Variants in TEAD4 observed in about 807,000 individuals in gnomAD.
The protein encoded by TEAD4 is TEA domain transcription factor 4, also known as transcriptional enhancer factor TEF-3.
TEAD4 carries 36 observed loss-of-function variants against 52.4 expected under a neutral mutation model. That is an observed-to-expected ratio of 0.69 (90% CI 0.53 to 0.91). The LOEUF (loss-of-function observed/expected upper bound fraction) is 0.91. TEAD4 is among the 40% of genes least tolerant of loss of function. TEAD4 has a pLI of 0.00. For synonymous variants in TEAD4, 220 were observed against 231.0 expected, an observed-to-expected ratio of 0.95 and a Z score of 0.43; for missense variants, 508 against 583.9, an observed-to-expected ratio of 0.87 and a Z score of 1.34.
intron 2 of TEAD4, among the ~76,000 whole-genome samples, chr12:2,983,999 A>G (rs974066613): frequency 6.6e-6 from 1 of 152,196 alleles, no homozygotes; most frequent in Non-Finnish European, 1.5e-5. Flanking sequence ...ATATGGCTGG[A>G]CCTTAAGGCT....
chr12:2,996,310 G>C (rs2098247094), intron 3 of TEAD4, among the ~76,000 whole-genome samples: 1 of 152,094 alleles, frequency 6.6e-6, no homozygotes, highest in African/African-American at 2.4e-5. Flanking sequence ...GGCTTCCCCA[G>C]GGTCGCCCTT....
intron 11 of TEAD4, 106 bp downstream of exon 11, chr12:3,038,214 ATAATC>A: frequency 7.0e-7 from 1 of 1,436,150 alleles, no homozygotes; most frequent in Non-Finnish European, 9.4e-7. Flanking sequence ...GGGAGCCAGG[ATAATC>A]CCTTGTTGCC....
rs111585066 is a variant in TEAD4, at chr12:2,972,329, G to A, written c.-30+12289G>A. On this transcript the variant is annotated intron_variant, in intron 2 of 12. Coordinates refer to ENST00000359864, the MANE Select transcript of TEAD4 (RefSeq NM_003213.4). Reference sequence around the variant, plus strand: ...ACTCCTGGGCTCAAGCCATCCTCCCGTCTCGGACCCTCAAAGTGCTTGGAT... The same window carrying A: ...ACTCCTGGGCTCAAGCCATCCTCCCATCTCGGACCCTCAAAGTGCTTGGAT... Among the ~76,000 whole-genome samples the A allele has an allele frequency of 9.4e-4, 143 of 152,066 alleles. 1 individual carries two copies. Among genetic ancestry groups the A allele is most frequent in the East Asian group, 3.1e-3 (16 of 5,160 alleles).
At chr12:3,008,265 G>A (rs2098257478) in intron 3 of TEAD4, among the ~76,000 whole-genome samples, 1 of 152,200 alleles carries the variant, frequency 6.6e-6, no homozygotes, top group South Asian at 2.1e-4. Context: ...AAGGGGTGCA[G>A]GTGGTGTGGG....
At chr12:3,035,056 G>A (rs2153958534) in intron 10 of TEAD4, among the ~76,000 whole-genome samples, 1 of 152,144 alleles carries the variant, frequency 6.6e-6, no homozygotes, top group African/African-American at 2.4e-5. Flanking sequence ...AGCTGAGATT[G>A]CACCACCACA....
At chr12:2,961,330 G>A (rs1224931857) in intron 2 of TEAD4, among the ~76,000 whole-genome samples, 2 of 151,956 alleles carry the variant, frequency 1.3e-5, no homozygotes, top group African/African-American at 4.8e-5. Context: ...GGAATGAGTA[G>A]CTTGTTGCAT....
At chr12:3,022,829 C>T (rs1466944680) in intron 10 of TEAD4, among the ~76,000 whole-genome samples, 5 of 152,148 alleles carry the variant, frequency 3.3e-5, no homozygotes, top group African/African-American at 1.2e-4. Context: ...AGGACACGGA[C>T]TGAGGCTTGG....
chr12:3,012,666 C>T (rs903683074), intron 5 of TEAD4, among the ~76,000 whole-genome samples: 2 of 152,158 alleles, frequency 1.3e-5, no homozygotes, highest in African/African-American at 4.8e-5. Context: ...TGCTTCCTGT[C>T]CTGTGGGACT....
intron 10 of TEAD4, among the ~76,000 whole-genome samples, chr12:3,029,398 C>T (rs1424589758): frequency 1.3e-5 from 2 of 152,070 alleles, no homozygotes; most frequent in Non-Finnish European, 2.9e-5. Flanking sequence ...CCACCACGCC[C>T]AGCTAATTTT....
intron 2 of TEAD4, among the ~76,000 whole-genome samples, chr12:2,990,191 G>A (rs2098241893): frequency 6.6e-6 from 1 of 152,084 alleles, no homozygotes; most frequent in Non-Finnish European, 1.5e-5. Flanking sequence ...AATGTTTGAT[G>A]TAGTTCTTTT....
chr12:2,969,404 A>T (rs890758999), intron 2 of TEAD4, among the ~76,000 whole-genome samples: 1 of 152,194 alleles, frequency 6.6e-6, no homozygotes, highest in East Asian at 1.9e-4. Context: ...CAGTATCCTT[A>T]GAGGCCTTGG....
chr12:2,999,700 C>T (rs895888621), intron 3 of TEAD4, among the ~76,000 whole-genome samples: 1 of 151,976 alleles, frequency 6.6e-6, no homozygotes, highest in Non-Finnish European at 1.5e-5. Flanking sequence ...ACAGCCAACG[C>T]TGGCCACCCT....
intron 2 of TEAD4, among the ~76,000 whole-genome samples, chr12:2,986,707 GTAAA>G (rs1303929220): frequency 6.6e-6 from 1 of 151,998 alleles, no homozygotes; most frequent in African/African-American, 2.4e-5. Flanking sequence ...GTATAGTATA[GTAAA>G]TAGTTAACCA....
At chr12:3,023,968 A>G (rs1476214969) in intron 10 of TEAD4, among the ~76,000 whole-genome samples, 1 of 151,930 alleles carries the variant, frequency 6.6e-6, no homozygotes, top group Non-Finnish European at 1.5e-5. Context: ...AAGACATTAT[A>G]TTTTCATTTC....
intron 10 of TEAD4, among the ~76,000 whole-genome samples, chr12:3,026,056 G>A (rs539028840): frequency 1.3e-5 from 2 of 152,096 alleles, no homozygotes; most frequent in Admixed American, 6.5e-5. Context: ...GTACTTGGTA[G>A]GCACTTTTAA....
intron 2 of TEAD4, among the ~76,000 whole-genome samples, chr12:2,989,721 T>C (rs1316066624): frequency 6.6e-6 from 1 of 152,270 alleles, no homozygotes; most frequent in Non-Finnish European, 1.5e-5. Context: ...ATTACAGGCA[T>C]GACCCACCAC....
At chr12:3,020,328 G>A (rs2098267776) in intron 8 of TEAD4, among the ~76,000 whole-genome samples, 1 of 152,200 alleles carries the variant, frequency 6.6e-6, no homozygotes, top group Non-Finnish European at 1.5e-5. Context: ...GCCTGTTCTG[G>A]AAGCCTCTCG....
chr12:3,022,209 G>C (rs373217786), intron 10 of TEAD4, among the ~76,000 whole-genome samples, 192 bp downstream of exon 10: 1 of 152,190 alleles, frequency 6.6e-6, no homozygotes, highest in East Asian at 1.9e-4. Context: ...GGTGATCCCA[G>C]AGAGCTGGCC....
At chr12:2,985,725 C>G (rs184310093) in intron 2 of TEAD4, among the ~76,000 whole-genome samples, 2 of 151,884 alleles carry the variant, frequency 1.3e-5, no homozygotes, top group African/African-American at 4.8e-5. Flanking sequence ...AGGGTGGCCT[C>G]GAGCTCCTGA....
Sources: gnomAD v4.1 joint callset for allele counts (sites outside exome capture counted in the v4.1 genomes callset) on GRCh38, gnomAD v4.1.1 for gene constraint, MANE v1.5 for transcripts, NCBI Gene and HGNC (gene_info 2026-07-23, HGNC 2026-07-21) for gene names.